Variants in RBFOX3 observed in about 807,000 individuals in gnomAD.
The protein encoded by RBFOX3 is RNA binding fox-1 homolog 3.
Under a neutral mutation model 48.7 loss-of-function variants are expected in RBFOX3, and 17 were observed. That is an observed-to-expected ratio of 0.35 (90% CI 0.24 to 0.52). The LOEUF is 0.52. Among genes scored for constraint, RBFOX3 ranks in the 20% least tolerant of loss-of-function variants. The pLI is 0.94. For synonymous variants in RBFOX3, 212 were observed against 209.5 expected (o/e 1.01, Z -0.10); for missense variants, 382 against 497.5 (o/e 0.77, Z 2.21).
Position 79,473,828 on chromosome 17 carries a change from ACACACACACACT to A in RBFOX3, c.-175+8614_-175+8625del, listed in dbSNP as rs1237223129. Among the ~76,000 whole-genome samples, 2 of 151,980 alleles carry A rather than the reference ACACACACACACT, an allele frequency of 1.3e-5. No individual in the cohort carries two copies. The highest frequency in any genetic ancestry group is 4.8e-5 in the African/African-American group (2 of 41,360). ...CCATTTTTCTCCTCCTCCTAAAAGC[ACACACACACACT>A]CACACACACACACACGCAGAACTAA... On this transcript the variant is annotated intron_variant, in intron 2 of 14. Coordinates refer to ENST00000693108, the MANE Select transcript of RBFOX3 (RefSeq NM_001350451.2). This position sits in a 1 kb window ranked among gnomAD's most constrained non-coding sequence, Gnocchi z 4.2.
chr17:79,396,898 G>C (rs775332712), intron 2 of RBFOX3, among the ~76,000 whole-genome samples: 1 of 152,222 alleles, frequency 6.6e-6, no homozygotes. Context: ...CCGTGAAGCC[G>C]GGCCAGGGTG....
chr17:79,264,799 G>A (rs1028439744), intron 3 of RBFOX3, among the ~76,000 whole-genome samples: 5 of 152,096 alleles, frequency 3.3e-5, no homozygotes, highest in Admixed American at 6.5e-5. Flanking sequence ...TGTGCCCCAC[G>A]AACCGGGCCT....
At chr17:79,434,660 T>C (rs1555730121) in intron 2 of RBFOX3, among the ~76,000 whole-genome samples, 2 of 152,284 alleles carry the variant, frequency 1.3e-5, no homozygotes, top group Middle Eastern at 3.4e-3. Context: ...CTGTGTGATT[T>C]TGTATAGGGG....
the RBFOX3 span, among the ~76,000 whole-genome samples, chr17:79,631,156 T>A: frequency 4.6e-5 from 7 of 152,130 alleles, no homozygotes; most frequent in Non-Finnish European, 8.8e-5. Context: ...GGGGTGGGAC[T>A]CGCATCAGGA....
chr17:79,485,279 T>C (rs2079402109), intron 1 of RBFOX3, among the ~76,000 whole-genome samples: 1 of 152,056 alleles, frequency 6.6e-6, no homozygotes, highest in African/African-American at 2.4e-5. Flanking sequence ...ACAGAGTCCA[T>C]CCCTGGGGAT....
In RBFOX3 at chr17:79,473,386, C is replaced by A. The variant is rs2077286974; in HGVS notation, c.-175+9068G>T. Among the ~76,000 whole-genome samples, 1 of 152,232 alleles carries A rather than the reference C, an allele frequency of 6.6e-6. No individual in the cohort carries two copies. The highest frequency in any genetic ancestry group is 2.4e-5 in the African/African-American group (1 of 41,466). Reference sequence around the variant, plus strand: ...CTTCCTCACAGAGCCCGAGTTGGAACTGTTGTGAGGATTCACGATGATTCA... The same window carrying A: ...CTTCCTCACAGAGCCCGAGTTGGAAATGTTGTGAGGATTCACGATGATTCA... On this transcript the variant is annotated intron_variant, in intron 2 of 14. Coordinates refer to ENST00000693108, the MANE Select transcript of RBFOX3 (RefSeq NM_001350451.2). The surrounding 1 kb of genome is among the most constrained non-coding windows in gnomAD (Gnocchi z 4.2).
At chr17:79,369,150 TG>T (rs1444247336) in intron 2 of RBFOX3, among the ~76,000 whole-genome samples, 4 of 152,108 alleles carry the variant, frequency 2.6e-5, no homozygotes, top group Non-Finnish European at 5.9e-5. Context: ...GGTGGCACTG[TG>T]CCACTCTCCA....
At chr17:79,550,375 C>T (rs1172875855) in intron 1 of RBFOX3, among the ~76,000 whole-genome samples, 1 of 152,104 alleles carries the variant, frequency 6.6e-6, no homozygotes, top group Non-Finnish European at 1.5e-5. Flanking sequence ...GAAGGCTAAA[C>T]TGGTACAGTA....
intron 2 of RBFOX3, among the ~76,000 whole-genome samples, chr17:79,446,883 C>G (rs1473821508): frequency 6.6e-6 from 1 of 152,214 alleles, no homozygotes; most frequent in Non-Finnish European, 1.5e-5. Flanking sequence ...TTCAATAAAG[C>G]TGTTTTCTCC....
chr17:79,290,593 C>T (rs1258065468), intron 3 of RBFOX3, among the ~76,000 whole-genome samples: 3 of 152,164 alleles, frequency 2.0e-5, no homozygotes, highest in Non-Finnish European at 2.9e-5. Context: ...TAGCAGTTAG[C>T]AAATGGAGTC....
rs1252399205 is a variant in RBFOX3 at position 79,249,982 on chromosome 17, G to A, written c.-73-14177C>T. 6.6e-6 allele frequency among the ~76,000 whole-genome samples: 1 copy of A among 152,216 alleles called. No homozygotes were observed. On this transcript the variant is annotated intron_variant, in intron 3 of 14. Coordinates refer to ENST00000693108, the MANE Select transcript of RBFOX3 (RefSeq NM_001350451.2). The surrounding 1 kb of genome is among the most constrained non-coding windows in gnomAD (Gnocchi z 4.1). ...ATCGCTTTGGCTCTTGCGAGAGGGAGCCAGTTTTAAGGATGAAACCGTAAT... is the reference window on the plus strand; with the variant it reads ...ATCGCTTTGGCTCTTGCGAGAGGGAACCAGTTTTAAGGATGAAACCGTAAT...
chr17:79,417,390 C>T (rs2065549140), intron 2 of RBFOX3, among the ~76,000 whole-genome samples: 1 of 152,192 alleles, frequency 6.6e-6, no homozygotes, highest in Non-Finnish European at 1.5e-5. Context: ...GGCCCTGTCA[C>T]AATCCCTTCC....
At chr17:79,578,575 C>A (rs1187345791) in intron 1 of RBFOX3, among the ~76,000 whole-genome samples, 2 of 152,252 alleles carry the variant, frequency 1.3e-5, no homozygotes. Flanking sequence ...AGACCCGCTC[C>A]GGGCCAGGGA....
rs886940040 is a variant in RBFOX3 at position 79,214,657 on chromosome 17, G to C, written c.-34+21109C>G. ...GGCTCCCAGGCAGGGCTGAAGCTGGGTCTGTTCCCCAGGTTCCTGGGAGGG... is the reference window on the plus strand; with the variant it reads ...GGCTCCCAGGCAGGGCTGAAGCTGGCTCTGTTCCCCAGGTTCCTGGGAGGG... On this transcript the variant is annotated intron_variant, in intron 4 of 14. Transcript: ENST00000693108. This position sits in a 1 kb window ranked among gnomAD's most constrained non-coding sequence, Gnocchi z 4.7. Among the ~76,000 whole-genome samples, 1 of 151,970 alleles carries C rather than the reference G, an allele frequency of 6.6e-6. No individual in the cohort carries two copies. Among genetic ancestry groups the C allele is most frequent in the Non-Finnish European group, 1.5e-5 (1 of 67,966 alleles).
intron 3 of RBFOX3, among the ~76,000 whole-genome samples, chr17:79,246,419 C>T (rs539129402): frequency 2.9e-4 from 44 of 152,372 alleles, no homozygotes; most frequent in Admixed American, 1.8e-3. Flanking sequence ...TGTCTGATTA[C>T]GCTGAGTGGG....
chr17:79,546,723 G>A (rs2090492234), intron 1 of RBFOX3, among the ~76,000 whole-genome samples: 1 of 148,536 alleles, frequency 6.7e-6, no homozygotes. Flanking sequence ...AGGCTGGAGT[G>A]CAGTGGTGCT....
At chr17:79,121,132 C>T (rs2035635617) in intron 4 of RBFOX3, among the ~76,000 whole-genome samples, 1 of 152,110 alleles carries the variant, frequency 6.6e-6, no homozygotes, top group African/African-American at 2.4e-5. Context: ...CACCTGCCCA[C>T]CTCCCTGCCT....
At chr17:79,655,971 C>T in the RBFOX3 span, among the ~76,000 whole-genome samples, 13 of 152,172 alleles carry the variant, frequency 8.5e-5, no homozygotes, top group Admixed American at 8.5e-4. Context: ...TACCTTCTTG[C>T]AGGCCTTCCA....
chr17:79,505,877 C>T (rs2149785740), intron 1 of RBFOX3, among the ~76,000 whole-genome samples: 1 of 152,312 alleles, frequency 6.6e-6, no homozygotes, highest in South Asian at 2.1e-4. Context: ...TCACTGAATC[C>T]AGGCAACCAA....
Sources: allele counts gnomAD v4.1 joint callset (sites outside exome capture counted in the v4.1 genomes callset), GRCh38; gene constraint gnomAD v4.1.1; non-coding constraint Gnocchi (gnomAD v3.1); transcripts MANE v1.5; gene names NCBI Gene and HGNC (gene_info 2026-07-23, HGNC 2026-07-21).